AIFM1: variants seen among roughly 807,000 people sequenced by gnomAD.
AIFM1 encodes the protein apoptosis-inducing factor 1, mitochondrial.
AIFM1 carries 3 observed loss-of-function variants against 51.7 expected under a neutral mutation model. The observed-to-expected ratio is 0.06, with a 90% confidence interval of 0.03 to 0.15. The LOEUF is 0.15. Among genes scored for constraint, AIFM1 ranks in the 10% least tolerant of loss-of-function variants. The pLI is 1.00. For synonymous variants in AIFM1, 178 were observed against 179.4 expected, an observed-to-expected ratio of 0.99 and a Z score of 0.06; for missense variants, 330 against 476.8, an observed-to-expected ratio of 0.69 and a Z score of 2.87.
rs749420142 is a variant in AIFM1 at position 130,156,623 on chromosome X, A to G, written c.107-20T>C. ...AGTTGCCTAAGAAACATAATTTATTAAGACACACACATACAAAAATAAAAT... is the reference window on the plus strand; with the variant it reads ...AGTTGCCTAAGAAACATAATTTATTGAGACACACACATACAAAAATAAAAT... On this transcript the variant is annotated intron_variant, in intron 1 of 15. Transcript: ENST00000287295. 3 of 1,205,229 alleles carry G rather than the reference A, an allele frequency of 2.5e-6. No individual in the cohort carries two copies. In the South Asian group the frequency reaches 5.3e-5, roughly 21 times the overall value.
chrX:130,165,244 G>C (rs942766540), intron 1 of AIFM1, among the ~76,000 whole-genome samples: 1 of 83,301 alleles, frequency 1.2e-5, no homozygotes, highest in Admixed American at 1.5e-4. Flanking sequence ...CTCTAAAAAG[G>C]GGGGTGGGGG....
At chrX:130,154,045 T>C (rs1336737272) in intron 2 of AIFM1, among the ~76,000 whole-genome samples, 3 of 112,500 alleles carry the variant, frequency 2.7e-5, no homozygotes, top group Non-Finnish European at 3.7e-5. Context: ...AAGTTTTCAA[T>C]AATTTAGAAC....
chrX:130,139,705 C>A, intron 8 of AIFM1, 90 bp downstream of exon 8: 1 of 857,601 alleles, frequency 1.2e-6, no homozygotes, highest in Non-Finnish European at 1.7e-6. Flanking sequence ...GAACTTGGAT[C>A]TCCCAAGTCC....
intron 9 of AIFM1, 79 bp downstream of exon 9, chrX:130,138,514 G>A: frequency 1.4e-6 from 1 of 720,198 alleles, no homozygotes; most frequent in Non-Finnish European, 2.2e-6. Flanking sequence ...TACTGATCCT[G>A]CCAAACACAT....
At chrX:130,152,214 G>T (rs982083473) in intron 2 of AIFM1, among the ~76,000 whole-genome samples, 1 of 111,976 alleles carries the variant, frequency 8.9e-6, no homozygotes, top group Non-Finnish European at 1.9e-5. Flanking sequence ...CAGGGGCCAT[G>T]TTCATTGAGA....
chrX:130,159,623 C>CT (rs1188540178), intron 1 of AIFM1, among the ~76,000 whole-genome samples: 2 of 109,691 alleles, frequency 1.8e-5, no homozygotes, highest in Non-Finnish European at 3.8e-5. Context: ...TTTTGTTTTT[C>CT]TTTTTTTTAA....
chrX:130,136,294 G>C (rs968794192), intron 11 of AIFM1, 109 bp from the exon 12 acceptor site: 64 of 933,348 alleles, frequency 6.9e-5, no homozygotes, highest in Non-Finnish European at 8.9e-5. Context: ...AAAAAATCAT[G>C]GGTTAACTTA....
At chrX:130,143,416 A>G (rs1423273702) in intron 6 of AIFM1, among the ~76,000 whole-genome samples, 2 of 111,955 alleles carry the variant, frequency 1.8e-5, no homozygotes, top group African/African-American at 6.5e-5. Flanking sequence ...CCACTCAGAC[A>G]TGCAGGCTAG....
chrX:130,138,768 T>G (rs1352605917), intron 8 of AIFM1, 67 bp from the exon 9 acceptor site: 16 of 756,850 alleles, frequency 2.1e-5, no homozygotes, highest in Non-Finnish European at 3.3e-5. Flanking sequence ...TACTAGAAAG[T>G]AGTTTCTTCT....
chrX:130,133,256 T>A (rs1189977310), intron 13 of AIFM1, 57 bp downstream of exon 13: 7 of 1,193,985 alleles, frequency 5.9e-6, no homozygotes, highest in South Asian at 1.8e-5. Context: ...CTCTGTGTTA[T>A]GGTCCTAGAG....
chrX:130,132,519 T>A (rs1266841975), intron 13 of AIFM1, among the ~76,000 whole-genome samples: 1 of 112,573 alleles, frequency 8.9e-6, no homozygotes, highest in Non-Finnish European at 1.9e-5. Flanking sequence ...TTCATTAACC[T>A]ACAGTATTTC....
intron 2 of AIFM1, among the ~76,000 whole-genome samples, chrX:130,153,289 G>GT (rs1882981544): frequency 1.0e-5 from 1 of 99,690 alleles, no homozygotes; most frequent in African/African-American, 3.7e-5. Flanking sequence ...GGAGGCGGAC[G>GT]TATCAGTTAG....
Position 130,133,343 on chromosome X carries a change from G to A in AIFM1, c.1418C>T (p.Ala473Val). 8.3e-7 allele frequency: 1 copy of A among 1,211,508 alleles called. No individual in the cohort carries two copies. The highest frequency in any genetic ancestry group is 1.1e-6 in the Non-Finnish European group (1 of 895,417). ...CATTGACTGATGCCAGTACGGCTTA[G>A]CAGCTCCAGTCATATTTTCTCCAGC... Reference protein sequence around the residue: ...RLAGENMTGAAKPYWHQSMFW... With the variant: ...RLAGENMTGAVKPYWHQSMFW... Residue 473 changes from alanine (A) to valine (V), a missense_variant, in exon 13 of 16, where the codon GCT becomes GTT. Transcript: ENST00000287295.
At chrX:130,157,044 C>T (rs2031187865) in intron 1 of AIFM1, among the ~76,000 whole-genome samples, 1 of 111,663 alleles carries the variant, frequency 9.0e-6, no homozygotes, top group African/African-American at 3.3e-5. Flanking sequence ...AAACGCAACA[C>T]TCTAACCAGG....
intron 2 of AIFM1, among the ~76,000 whole-genome samples, chrX:130,153,302 G>A (rs780525166): frequency 4.1e-5 from 4 of 98,190 alleles, no homozygotes; most frequent in South Asian, 5.3e-4. Flanking sequence ...TCAGTTAGCC[G>A]AGATCGCGCC....
intron 13 of AIFM1, among the ~76,000 whole-genome samples, chrX:130,132,210 CAGATCACG>C (rs2030117576): frequency 8.9e-6 from 1 of 112,077 alleles, no homozygotes; most frequent in East Asian, 2.8e-4. Context: ...ACTTAGTATG[CAGATCACG>C]AGAGATGCCA....
Position 130,163,363 on chromosome X carries a change from G to A in AIFM1, c.106+2188C>T, listed in dbSNP as rs906446152. ...GTGGAGGGAGAAATGGTGTATAAAC[G>A]AACCTTGCTCTTTCCCACCTGTGCA... On this transcript the variant is annotated intron_variant, in intron 1 of 15. Coordinates refer to ENST00000287295, the MANE Select transcript of AIFM1 (RefSeq NM_004208.4). Among the ~76,000 whole-genome samples, 5 of 107,392 alleles carry A rather than the reference G, an allele frequency of 4.7e-5. No individual in the cohort carries two copies. The East Asian group carries it at 1.5e-3, about 31-fold the overall frequency. The allele number at this position is 107,392 out of a possible 115,157, so 93.3% of individuals were successfully genotyped here.
At position 130,151,800 on chromosome X, in the gene AIFM1, G is replaced by A. The variant is rs746242442; in HGVS notation, c.250-2232C>T. Among the ~76,000 whole-genome samples, 10 of 111,838 alleles carry A rather than the reference G, an allele frequency of 8.9e-5. No homozygotes were observed. The South Asian group carries it at 3.7e-3, about 42-fold the overall frequency. Reference sequence around the variant, plus strand: ...TGATGCCTATAATTCCAGCACTTTGGGAGGCCAAGTTGTGGAGATCACTTG... The same window carrying A: ...TGATGCCTATAATTCCAGCACTTTGAGAGGCCAAGTTGTGGAGATCACTTG... On this transcript the variant is annotated intron_variant, in intron 2 of 15. Transcript: ENST00000287295.
At chrX:130,139,977 G>A in intron 7 of AIFM1, 106 bp from the exon 8 acceptor site, 1 of 693,814 alleles carries the variant, frequency 1.4e-6, no homozygotes, top group Non-Finnish European at 2.3e-6. Context: ...TAGCACCATG[G>A]CGGCAACAAC....
Sources: gnomAD v4.1 joint callset for allele counts (sites outside exome capture counted in the v4.1 genomes callset) on GRCh38, gnomAD v4.1.1 for gene constraint, MANE v1.5 for transcripts, NCBI Gene and HGNC (gene_info 2026-07-23, HGNC 2026-07-21) for gene names.